Variants in CSMD3 observed in about 807,000 individuals in gnomAD.
CSMD3 encodes the protein CUB and Sushi multiple domains 3.
A neutral mutation model predicts 435.2 loss-of-function variants in CSMD3; 177 were observed. The ratio of observed to expected loss-of-function variants is 0.41; its 90% CI spans 0.36 to 0.46. The LOEUF (loss-of-function observed/expected upper bound fraction) is 0.46. CSMD3 is among the 20% of genes least tolerant of loss of function. The probability of loss-of-function intolerance (pLI) is 0.34; values close to 1 mark genes in which losing one functional copy is unlikely to be tolerated. For synonymous variants in CSMD3, 1,656 were observed against 1,520.5 expected (o/e 1.09, Z -2.07); for missense variants, 4,265 against 4,504.6 (o/e 0.95, Z 1.52).
intron 5 of CSMD3, among the ~76,000 whole-genome samples, chr8:113,023,878 A>G (rs1564221423): frequency 6.6e-6 from 1 of 152,254 alleles, no homozygotes; most frequent in East Asian, 1.9e-4. Context: ...AAATCAGAGT[A>G]ATTAGCATAT....
intron 4 of CSMD3, among the ~76,000 whole-genome samples, chr8:113,128,173 T>C (rs537130369): frequency 4.6e-5 from 7 of 152,186 alleles, no homozygotes; most frequent in Non-Finnish European, 8.8e-5. Context: ...TTCTGCCCCA[T>C]GAAGGTGGGA....
chr8:113,131,348 A>C (rs1588128495), intron 4 of CSMD3, among the ~76,000 whole-genome samples: 1 of 151,832 alleles, frequency 6.6e-6, no homozygotes, highest in South Asian at 2.1e-4. Context: ...GGCCCGGGAA[A>C]CCCTTGCTCT....
At chr8:112,478,784 G>A (rs1269573533) in intron 31 of CSMD3, among the ~76,000 whole-genome samples, 1 of 152,214 alleles carries the variant, frequency 6.6e-6, no homozygotes, top group Non-Finnish European at 1.5e-5. Flanking sequence ...GCGACCCAGA[G>A]TGAGAACTTC....
intron 4 of CSMD3, among the ~76,000 whole-genome samples, chr8:113,140,808 A>C (rs2091530290): frequency 6.6e-6 from 1 of 151,030 alleles, no homozygotes; most frequent in Non-Finnish European, 1.5e-5. Flanking sequence ...AAAAGAGGAA[A>C]GTCTCAAATC....
At chr8:113,203,274 A>G (rs2092733405) in intron 3 of CSMD3, among the ~76,000 whole-genome samples, 1 of 152,026 alleles carries the variant, frequency 6.6e-6, no homozygotes, top group Admixed American at 6.6e-5. Context: ...AATTTTTAAA[A>G]TGTGTTTTTA....
At chr8:113,183,031 G>A (rs925124531) in intron 3 of CSMD3, among the ~76,000 whole-genome samples, 1 of 152,002 alleles carries the variant, frequency 6.6e-6, no homozygotes, top group Admixed American at 6.6e-5. Context: ...TAAAGAGCAT[G>A]GCCATGCATA....
intron 5 of CSMD3, among the ~76,000 whole-genome samples, chr8:113,065,531 T>C (rs2088815086): frequency 6.6e-6 from 1 of 151,928 alleles, no homozygotes; most frequent in Non-Finnish European, 1.5e-5. Context: ...GGACTACAGG[T>C]GCCCACCACC....
At position 113,153,101 on chromosome 8, in the gene CSMD3, A is replaced by G. The variant is rs755414067; in HGVS notation, c.709+20621T>C. On this transcript the variant is annotated intron_variant, in intron 4 of 70. Coordinates refer to ENST00000297405, the MANE Select transcript of CSMD3 (RefSeq NM_198123.2). ...AAAAGAAAGAAAGAAAGAAAGAAAG[A>G]AAAGAAAGAAAGAAAGAAAGAAAGA... 1.4e-3 allele frequency among the ~76,000 whole-genome samples: 142 copies of G among 99,956 alleles called. 1 individual carries two copies. Among genetic ancestry groups the G allele is most frequent in the African/African-American group, 6.0e-3 (127 of 21,186 alleles). 65.6% of individuals were successfully genotyped at this position (99,956 alleles called of 152,430 possible).
At chr8:112,541,104 G>A (rs1826618441) in intron 27 of CSMD3, among the ~76,000 whole-genome samples, 1 of 151,594 alleles carries the variant, frequency 6.6e-6, no homozygotes, top group Non-Finnish European at 1.5e-5. Flanking sequence ...ACAAAAACAC[G>A]ATATGCCAAA....
intron 4 of CSMD3, among the ~76,000 whole-genome samples, chr8:113,156,846 A>T (rs2091943485): frequency 2.0e-5 from 3 of 151,904 alleles, no homozygotes; most frequent in Non-Finnish European, 4.4e-5. Flanking sequence ...TGGGAGGATC[A>T]CTGGAACCAG....
intron 13 of CSMD3, among the ~76,000 whole-genome samples, chr8:112,786,984 T>C (rs2078559924): frequency 6.6e-6 from 1 of 152,122 alleles, no homozygotes; most frequent in Admixed American, 6.6e-5. Context: ...ACATGCAGTG[T>C]TTGGTTTTCT....
Position 112,781,957 on chromosome 8 carries a change from C to T in CSMD3, c.1972+18205G>A, listed in dbSNP as rs548418744. On this transcript the variant is annotated intron_variant, in intron 13 of 70. Transcript: ENST00000297405. Reference sequence around the variant, plus strand: ...AATGCTTTTTGATTACTTGGAAAGTCTTCTCAAGAAGGACAAATACAAACA... The same window carrying T: ...AATGCTTTTTGATTACTTGGAAAGTTTTCTCAAGAAGGACAAATACAAACA... Among the ~76,000 whole-genome samples the T allele has an allele frequency of 1.6e-3, 248 of 152,208 alleles. 3 individuals carry two copies. The highest frequency in any genetic ancestry group is 3.4e-3 in the Middle Eastern group (1 of 294).
chr8:112,622,082 G>A (rs1427709789), intron 22 of CSMD3, among the ~76,000 whole-genome samples: 1 of 152,022 alleles, frequency 6.6e-6, no homozygotes, highest in Non-Finnish European at 1.5e-5. Flanking sequence ...ATTCCGATTG[G>A]GAAACCAAAT....
At chr8:112,640,276 T>C (rs906113678) in intron 20 of CSMD3, among the ~76,000 whole-genome samples, 2 of 152,176 alleles carry the variant, frequency 1.3e-5, no homozygotes, top group African/African-American at 4.8e-5. Context: ...GATCCTTCCC[T>C]TGAGGTGCTT....
chr8:112,729,570 C>T (rs1052919289), intron 13 of CSMD3, among the ~76,000 whole-genome samples: 2 of 152,080 alleles, frequency 1.3e-5, no homozygotes, highest in African/African-American at 4.8e-5. Context: ...ATGATCTTTG[C>T]AGATGTAATT....
chr8:113,051,869 T>C (rs2131329398), intron 5 of CSMD3, among the ~76,000 whole-genome samples: 1 of 152,232 alleles, frequency 6.6e-6, no homozygotes, highest in South Asian at 2.1e-4. Flanking sequence ...AAAGAGCAAA[T>C]GTGACAAGAT....
intron 17 of CSMD3, among the ~76,000 whole-genome samples, chr8:112,665,192 C>T (rs1182445066): frequency 6.6e-6 from 1 of 152,094 alleles, no homozygotes; most frequent in East Asian, 1.9e-4. Context: ...CAAGCTGTTT[C>T]TTTATGTCAC....
chr8:112,433,357 C>A (rs1813928712), intron 32 of CSMD3, among the ~76,000 whole-genome samples: 1 of 150,924 alleles, frequency 6.6e-6, no homozygotes, highest in Non-Finnish European at 1.5e-5. Context: ...TAATTGTTAC[C>A]TTTAAAAAAA....
At chr8:112,512,743 C>A (rs1823264043) in intron 28 of CSMD3, among the ~76,000 whole-genome samples, 1 of 152,178 alleles carries the variant, frequency 6.6e-6, no homozygotes, top group Non-Finnish European at 1.5e-5. Flanking sequence ...ATTGATTTCT[C>A]CTCTCTAGCA....
Sources: allele counts gnomAD v4.1 joint callset (sites outside exome capture counted in the v4.1 genomes callset), GRCh38; gene constraint gnomAD v4.1.1; transcripts MANE v1.5; gene names NCBI Gene and HGNC (gene_info 2026-07-23, HGNC 2026-07-21).